Variants in KIRREL1 observed in about 807,000 individuals in gnomAD.
KIRREL1 encodes the protein kin of IRRE-like protein 1.
In KIRREL1, 25 loss-of-function variants were observed where a neutral mutation model predicts 83.3. The observed-to-expected ratio is 0.30, with a 90% CI of 0.22 to 0.42. The LOEUF is 0.42. KIRREL1 is among the 10% of genes least tolerant of loss of function. KIRREL1 has a pLI of 1.00. For missense variants in KIRREL1, 812 were observed against 1,032.3 expected, an observed-to-expected ratio of 0.79 and a Z score of 2.92; for synonymous variants, 388 against 410.4, an observed-to-expected ratio of 0.95 and a Z score of 0.66.
chr1:158,084,413 C>G lies in KIRREL1; in HGVS notation c.353-9C>G. The G allele has an allele frequency of 6.5e-7, 1 of 1,547,896 alleles. No individual in the cohort carries two copies. Among genetic ancestry groups the G allele is most frequent in the Non-Finnish European group, 8.7e-7 (1 of 1,144,604 alleles). ...CCCTGCACTGACTTTGCTCTGCTTT[C>G]TCCCACAGTCCCCCCAGAGGACACC... On this transcript the variant is annotated splice_polypyrimidine_tract_variant and intron_variant, in intron 3 of 14. Transcript: ENST00000359209.
rs1571007871 is a variant in KIRREL1 at position 158,095,248 on chromosome 1, G to C, written c.*128G>C. 1 of 720,230 alleles carries C rather than the reference G, an allele frequency of 1.4e-6. No homozygotes were observed. The highest frequency in any genetic ancestry group is 2.2e-6 in the Non-Finnish European group (1 of 446,204). The allele number at this position is 720,230 out of a possible 1,614,324, so 44.6% of individuals were successfully genotyped here. On this transcript the variant is annotated 3_prime_UTR_variant, in exon 15 of 15. Coordinates refer to ENST00000359209, the MANE Select transcript of KIRREL1 (RefSeq NM_018240.7). ...AGCCTTCTTCCTCCCACCATGGCAG[G>C]TGGGGAGCAGGTCTCCCAGAAACAC...
Position 158,073,873 on chromosome 1 carries a change from C to G in KIRREL1, c.53-2240C>G, listed in dbSNP as rs544941366. ...GCTCACTGTCCTTGAGAGACTTCAG[C>G]GAGAGACCAGGGTGTCCAGGCTCCA... On this transcript the variant is annotated intron_variant, in intron 1 of 14. Coordinates refer to ENST00000359209, the MANE Select transcript of KIRREL1 (RefSeq NM_018240.7). Among the ~76,000 whole-genome samples the G allele has an allele frequency of 2.0e-5, 3 of 152,298 alleles. No individual in the cohort carries two copies. In the South Asian group the frequency reaches 6.2e-4, roughly 32 times the overall value.
intron 1 of KIRREL1, among the ~76,000 whole-genome samples, chr1:158,035,964 C>T (rs1195688681): frequency 6.6e-6 from 1 of 152,144 alleles, no homozygotes; most frequent in East Asian, 1.9e-4. Flanking sequence ...CTGGTATTTC[C>T]AGGGGTGGAT....
intron 1 of KIRREL1, among the ~76,000 whole-genome samples, chr1:158,008,879 C>T (rs1659593548): frequency 6.6e-6 from 1 of 152,164 alleles, no homozygotes; most frequent in Non-Finnish European, 1.5e-5. Context: ...ATGGCCCTGT[C>T]TCCATGGGGT....
At chr1:158,046,942 G>A (rs1660794438) in intron 1 of KIRREL1, among the ~76,000 whole-genome samples, 1 of 152,160 alleles carries the variant, frequency 6.6e-6, no homozygotes. Context: ...GAGGTTTTAA[G>A]AGAGGAGAGA....
chr1:158,035,802 G>A (rs1289915421), intron 1 of KIRREL1, among the ~76,000 whole-genome samples: 1 of 152,162 alleles, frequency 6.6e-6, no homozygotes, highest in Non-Finnish European at 1.5e-5. Flanking sequence ...GTGATTGGAT[G>A]TTTGGGTGAT....
chr1:158,047,897 TCTC>T (rs572834336), intron 1 of KIRREL1, among the ~76,000 whole-genome samples: 6 of 152,228 alleles, frequency 3.9e-5, no homozygotes, highest in Admixed American at 2.6e-4. Context: ...TCATGCCCCT[TCTC>T]CTGATTTCTT....
At chr1:158,093,469 C>T in intron 12 of KIRREL1, 23 bp downstream of exon 12, 1 of 1,609,644 alleles carries the variant, frequency 6.2e-7, no homozygotes, top group Non-Finnish European at 8.5e-7. Flanking sequence ...CCTGTGCAGC[C>T]CACAGCCTTC....
At chr1:158,066,684 C>T (rs769798348) in intron 1 of KIRREL1, among the ~76,000 whole-genome samples, 14 of 152,168 alleles carry the variant, frequency 9.2e-5, no homozygotes, top group Non-Finnish European at 1.6e-4. Context: ...GGCTCCCCGT[C>T]CCTTTCTGCT....
chr1:158,034,754 A>C (rs779223331), intron 1 of KIRREL1, among the ~76,000 whole-genome samples: 1 of 152,204 alleles, frequency 6.6e-6, no homozygotes, highest in Non-Finnish European at 1.5e-5. Flanking sequence ...TTACTTAGGC[A>C]ATAGGGGTTG....
rs1662392125 is a variant in KIRREL1 at position 158,097,806 on chromosome 1, T to C, written c.*2686T>C. ...CCTGATCACCTTTGGTGGCTTGTTT[T>C]AGTGGAAAGAGCAAGGGACTAAAGG... On this transcript the variant is annotated 3_prime_UTR_variant, in exon 15 of 15. Coordinates refer to ENST00000359209, the MANE Select transcript of KIRREL1 (RefSeq NM_018240.7). The C allele has an allele frequency of 2.0e-5, 3 of 152,250 alleles. No individual in the cohort carries two copies. Among genetic ancestry groups the C allele is most frequent in the African/African-American group, 7.2e-5 (3 of 41,444 alleles). The allele number at this position is 152,250 out of a possible 1,614,324, so 9.4% of individuals were successfully genotyped here.
In KIRREL1 at chr1:158,076,095, C is replaced by A. The variant is rs1401682309; in HGVS notation, c.53-18C>A. ...CTCTCCTTACTCATCTTACCCAGTG[C>A]TGGCTTTGGCTTTGCAGGGACCCAG... On this transcript the variant is annotated intron_variant, in intron 1 of 14. Transcript: ENST00000359209. 6.2e-7 allele frequency: 1 copy of A among 1,611,906 alleles called. No individual in the cohort carries two copies.
At chr1:158,007,780 C>A (rs1399150012) in intron 1 of KIRREL1, among the ~76,000 whole-genome samples, 1 of 151,950 alleles carries the variant, frequency 6.6e-6, no homozygotes, top group Non-Finnish European at 1.5e-5. Context: ...GGAAGTGCAG[C>A]TAGCCCTGCA....
chr1:158,011,948 T>C (rs1659699815), intron 1 of KIRREL1, among the ~76,000 whole-genome samples: 1 of 152,148 alleles, frequency 6.6e-6, no homozygotes, highest in Admixed American at 6.5e-5. Flanking sequence ...TCAGTTTCTT[T>C]CTCCATCTGG....
chr1:158,057,632 T>C (rs973434234), intron 1 of KIRREL1, among the ~76,000 whole-genome samples: 4 of 152,174 alleles, frequency 2.6e-5, no homozygotes, highest in South Asian at 2.1e-4. Context: ...GTAATATTTT[T>C]TTGGGGTCGC....
rs576532361 is a variant in KIRREL1, at chr1:158,062,579, C to T, written c.53-13534C>T. Among the ~76,000 whole-genome samples the T allele has an allele frequency of 4.6e-5, 7 of 152,380 alleles. No homozygotes were observed. In the East Asian group the frequency reaches 1.3e-3, roughly 29 times the overall value. On this transcript the variant is annotated intron_variant, in intron 1 of 14. Coordinates refer to ENST00000359209, the MANE Select transcript of KIRREL1 (RefSeq NM_018240.7). Reference sequence around the variant, plus strand: ...AATTGGAAAACTCTAGCATGTCCTGCTTATGTGCAGAAAGTGCCTCGTTCT... The same window carrying T: ...AATTGGAAAACTCTAGCATGTCCTGTTTATGTGCAGAAAGTGCCTCGTTCT...
chr1:158,020,543 T>C (rs1429749342), intron 1 of KIRREL1, among the ~76,000 whole-genome samples: 1 of 146,378 alleles, frequency 6.8e-6, no homozygotes, highest in Admixed American at 7.1e-5. Context: ...TATCTGTAAC[T>C]TCCGTCTCTT....
chr1:158,038,863 A>G (rs1256893306), intron 1 of KIRREL1, among the ~76,000 whole-genome samples: 1 of 152,208 alleles, frequency 6.6e-6, no homozygotes, highest in East Asian at 1.9e-4. Flanking sequence ...TCTTCAATAA[A>G]CATTGATTGG....
intron 3 of KIRREL1, among the ~76,000 whole-genome samples, chr1:158,083,600 A>C (rs1661927993): frequency 6.6e-6 from 1 of 152,212 alleles, no homozygotes; most frequent in Admixed American, 6.5e-5. Flanking sequence ...GCTGTGCTGA[A>C]GGGAAAAATA....
Sources: gnomAD v4.1 joint callset for allele counts (sites outside exome capture counted in the v4.1 genomes callset) on GRCh38, gnomAD v4.1.1 for gene constraint, MANE v1.5 for transcripts, NCBI Gene and HGNC (gene_info 2026-07-23, HGNC 2026-07-21) for gene names.